Variants in STAU1 observed in about 807,000 individuals in gnomAD.
STAU1 encodes the protein double-stranded RNA-binding protein Staufen homolog 1.
Under a neutral mutation model 62.9 loss-of-function variants are expected in STAU1, and 13 were observed. The observed-to-expected ratio is 0.21, with a 90% CI of 0.13 to 0.33. The LOEUF is 0.33. STAU1 is among the 10% of genes least tolerant of loss of function. The pLI, the probability that STAU1 is intolerant of heterozygous loss-of-function variation, is 1.00. For missense variants in STAU1, 571 were observed against 712.1 expected (o/e 0.80, Z 2.25); for synonymous variants, 269 against 265.1 (o/e 1.01, Z -0.14).
intron 1 of STAU1, among the ~76,000 whole-genome samples, chr20:49,175,041 A>G (rs1014381051): frequency 6.6e-6 from 1 of 152,148 alleles, no homozygotes; most frequent in African/African-American, 2.4e-5. Flanking sequence ...CTGTAGTCCC[A>G]GCTACTTGGC....
chr20:49,149,376 A>G (rs1390790336), intron 5 of STAU1, among the ~76,000 whole-genome samples: 2 of 133,730 alleles, frequency 1.5e-5, no homozygotes, highest in Non-Finnish European at 3.5e-5. Flanking sequence ...AGCAAAAGCC[A>G]GATTCCTGGG....
chr20:49,176,232 C>T (rs1347329466), intron 1 of STAU1, among the ~76,000 whole-genome samples: 1 of 152,128 alleles, frequency 6.6e-6, no homozygotes, highest in Non-Finnish European at 1.5e-5. Context: ...GACCCAAATA[C>T]AATTTTATGG....
At position 49,135,087 on chromosome 20, in the gene STAU1, G is replaced by T. The variant is rs886524209; in HGVS notation, c.609+746C>A. On this transcript the variant is annotated intron_variant, in intron 6 of 13. Transcript: ENST00000371856. ...TCCAGCAAGATGTACACAATCTTTT[G>T]CCTTTATTCGTAACGTTTTATATAG... 4.8e-6 allele frequency: 5 copies of T among 1,034,436 alleles called. No homozygotes were observed. The Admixed American group carries it at 5.2e-5, about 11-fold the overall frequency. The allele number at this position is 1,034,436 out of a possible 1,614,324, so 64.1% of individuals were successfully genotyped here.
chr20:49,193,421 C>T, the STAU1 span, among the ~76,000 whole-genome samples: 28 of 152,106 alleles, frequency 1.8e-4, no homozygotes, highest in Middle Eastern at 0.01. Context: ...ACCTGTAATC[C>T]GAGTTCTTTG....
intron 5 of STAU1, among the ~76,000 whole-genome samples, chr20:49,150,143 C>T (rs377573464): frequency 6.6e-6 from 1 of 152,074 alleles, no homozygotes; most frequent in African/African-American, 2.4e-5. Context: ...TGCTTTGACC[C>T]CTCAATGGCA....
At chr20:49,122,787 C>T (rs1222050764) in intron 8 of STAU1, among the ~76,000 whole-genome samples, 1 of 152,000 alleles carries the variant, frequency 6.6e-6, no homozygotes, top group Non-Finnish European at 1.5e-5. Context: ...CATGGTGGCA[C>T]GTGCCTGTAA....
At chr20:49,126,575 A>AAAAAAAAAAAACC (rs1600640099) in intron 6 of STAU1, among the ~76,000 whole-genome samples, 1 of 48,520 alleles carries the variant, frequency 2.1e-5, no homozygotes, top group South Asian at 5.1e-4. Context: ...CTCAAAAAGC[A>AAAAAAAAAAAACC]AAAAAAAAAA....
At chr20:49,207,450 G>C in the STAU1 span, among the ~76,000 whole-genome samples, 1 of 152,156 alleles carries the variant, frequency 6.6e-6, no homozygotes, top group Non-Finnish European at 1.5e-5. Flanking sequence ...CATGTGGCCA[G>C]TCCAAGCAGG....
Position 49,157,184 on chromosome 20 carries a change from T to A in STAU1, c.206-3113A>T, listed in dbSNP as rs112342601. ...GACCCACCACGTCCAGCCTCAAAAT[T>A]CTCTTCCAATTACTTCTCATGAAAG... On this transcript the variant is annotated intron_variant, in intron 3 of 13. Transcript: ENST00000371856. Among the ~76,000 whole-genome samples, 21 of 152,004 alleles carry A rather than the reference T, an allele frequency of 1.4e-4. 2 individuals are homozygous for A. The highest frequency in any genetic ancestry group is 5.1e-4 in the African/African-American group (21 of 41,482).
At chr20:49,187,726 G>A (rs1239455046) in intron 1 of STAU1, among the ~76,000 whole-genome samples, 1 of 151,634 alleles carries the variant, frequency 6.6e-6, no homozygotes. Flanking sequence ...TACAGACCTG[G>A]GCCGGCGACA....
intron 8 of STAU1, among the ~76,000 whole-genome samples, chr20:49,120,918 C>T (rs1241316768): frequency 1.3e-5 from 2 of 152,072 alleles, no homozygotes; most frequent in African/African-American, 2.4e-5. Context: ...CCTCAGCCAC[C>T]CGAGTAGCTG....
the STAU1 span, among the ~76,000 whole-genome samples, chr20:49,196,258 A>G: frequency 6.6e-6 from 1 of 150,738 alleles, no homozygotes; most frequent in Non-Finnish European, 1.5e-5. Flanking sequence ...AACACAGTGA[A>G]ACCCCGTCTC....
At chr20:49,199,635 C>T in the STAU1 span, among the ~76,000 whole-genome samples, 1 of 150,700 alleles carries the variant, frequency 6.6e-6, no homozygotes, top group South Asian at 2.1e-4. Context: ...TGCAGTGGTG[C>T]GATCTTGGCT....
intron 1 of STAU1, among the ~76,000 whole-genome samples, chr20:49,187,683 T>TG (rs1199695893): frequency 1.3e-5 from 2 of 151,856 alleles, no homozygotes; most frequent in Non-Finnish European, 2.9e-5. Context: ...GCACCCGTTT[T>TG]GGACACCTGG....
chr20:49,194,429 C>CAAAAAA, the STAU1 span, among the ~76,000 whole-genome samples: 7 of 81,104 alleles, frequency 8.6e-5, no homozygotes, highest in East Asian at 1.2e-3. Flanking sequence ...AACTCCGTCT[C>CAAAAAA]AAAAAAAAAA....
chr20:49,136,637 C>CA (rs1261280732), intron 5 of STAU1, among the ~76,000 whole-genome samples: 4 of 152,088 alleles, frequency 2.6e-5, no homozygotes, highest in Non-Finnish European at 5.9e-5. Context: ...TGGGACGTGG[C>CA]AAATTCAGAT....
intron 5 of STAU1, among the ~76,000 whole-genome samples, chr20:49,136,679 T>C (rs895589834): frequency 4.6e-5 from 7 of 152,264 alleles, no homozygotes; most frequent in Middle Eastern, 3.4e-3. Flanking sequence ...GCAGGCTTAT[T>C]TGAACATAAA....
chr20:49,159,148 TA>T (rs71184267), intron 3 of STAU1: 11,443 of 911,488 alleles, frequency 0.013, 1 homozygote, highest in South Asian at 0.053. Flanking sequence ...GGGAAAAAGC[TA>T]AAAAAAAAAA....
At chr20:49,189,861 A>C (rs564052725), upstream of STAU1, among the ~76,000 whole-genome samples, 15 of 152,256 alleles carry the variant, frequency 9.9e-5, no homozygotes, top group South Asian at 2.1e-3. Context: ...TAAATTCAAA[A>C]TACGAGCTGC....
Sources: gnomAD v4.1 joint callset for allele counts (sites outside exome capture counted in the v4.1 genomes callset) on GRCh38, gnomAD v4.1.1 for gene constraint, MANE v1.5 for transcripts, NCBI Gene and HGNC (gene_info 2026-07-23, HGNC 2026-07-21) for gene names.